Variants in DPYD observed in about 807,000 individuals in gnomAD.
The protein encoded by DPYD is dihydropyrimidine dehydrogenase, also known as dihydropyrimidine dehydrogenase [NADP(+)].
A neutral mutation model predicts 116.2 loss-of-function variants in DPYD; 109 were observed. The observed-to-expected ratio is 0.94, with a 90% CI of 0.80 to 1.10. The LOEUF (loss-of-function observed/expected upper bound fraction) is 1.10, where lower values mean the gene tolerates loss of function less well. Ranked by LOEUF, DPYD falls within the 50% of genes least tolerant of loss-of-function variation. DPYD has a pLI of 0.00. For synonymous variants in DPYD, 440 were observed against 432.0 expected (o/e 1.02, Z -0.23); for missense variants, 1,302 against 1,254.5 (o/e 1.04, Z -0.57).
At chr1:97,683,591 G>T (rs1192429929) in intron 7 of DPYD, among the ~76,000 whole-genome samples, 1 of 151,692 alleles carries the variant, frequency 6.6e-6, no homozygotes, top group Non-Finnish European at 1.5e-5. Context: ...AGGATATAAA[G>T]ACCATGAAAC....
intron 18 of DPYD, among the ~76,000 whole-genome samples, chr1:97,296,604 A>G (rs954528169): frequency 6.6e-6 from 1 of 152,140 alleles, no homozygotes; most frequent in African/African-American, 2.4e-5. Context: ...GTTTTGATAA[A>G]GTATAAATTA....
At chr1:97,428,094 T>C (rs920083265) in intron 14 of DPYD, among the ~76,000 whole-genome samples, 2 of 152,162 alleles carry the variant, frequency 1.3e-5, no homozygotes, top group African/African-American at 4.8e-5. Flanking sequence ...AAGTGATTTC[T>C]GAGCCTCAGT....
At chr1:97,198,538 C>A (rs973089197) in intron 19 of DPYD, among the ~76,000 whole-genome samples, 1 of 152,114 alleles carries the variant, frequency 6.6e-6, no homozygotes, top group Non-Finnish European at 1.5e-5. Context: ...CTTGTCCTTG[C>A]CTAACTTATA....
In DPYD at chr1:97,341,972, G is replaced by A. The variant is rs1047722634; in HGVS notation, c.2058+31589C>T. ...GGAGAACTGCTTCACTAGCATAGTA[G>A]TTGTTTTGTTCCAGGTAGCTGATCT... On this transcript the variant is annotated intron_variant, in intron 16 of 22. Transcript: ENST00000370192. 5.9e-5 allele frequency among the ~76,000 whole-genome samples: 9 copies of A among 152,316 alleles called. No individual in the cohort carries two copies. The East Asian group carries it at 1.7e-3, about 29-fold the overall frequency.
At chr1:97,132,883 T>G (rs1377346099) in intron 20 of DPYD, among the ~76,000 whole-genome samples, 5 of 152,108 alleles carry the variant, frequency 3.3e-5, no homozygotes, top group Admixed American at 2.6e-4. Context: ...AAAGAATTTC[T>G]TTTCCAAAGA....
intron 18 of DPYD, among the ~76,000 whole-genome samples, chr1:97,252,740 C>A (rs1663192704): frequency 6.6e-6 from 1 of 152,132 alleles, no homozygotes; most frequent in African/African-American, 2.4e-5. Context: ...ATAACACTTT[C>A]AAATTTTTTC....
At chr1:97,316,396 C>A (rs545615443) in intron 16 of DPYD, among the ~76,000 whole-genome samples, 1 of 151,290 alleles carries the variant, frequency 6.6e-6, no homozygotes, top group South Asian at 2.1e-4. Context: ...TACCTGTAAT[C>A]CCAGCTACTC....
At chr1:97,713,341 C>T (rs188294165) in intron 5 of DPYD, among the ~76,000 whole-genome samples, 1 of 151,912 alleles carries the variant, frequency 6.6e-6, no homozygotes, top group Admixed American at 6.6e-5. Context: ...AAAAAGTAAC[C>T]GCAAATAATT....
At chr1:97,638,838 A>T (rs1657718452) in intron 8 of DPYD, among the ~76,000 whole-genome samples, 1 of 152,096 alleles carries the variant, frequency 6.6e-6, no homozygotes, top group Non-Finnish European at 1.5e-5. Flanking sequence ...TGCAAGGACA[A>T]TGCCAAGCTA....
rs568923965 is a variant in DPYD, at chr1:97,461,652, C to A, written c.1741-11429G>T. 1.6e-4 allele frequency among the ~76,000 whole-genome samples: 24 copies of A among 152,148 alleles called. No individual in the cohort carries two copies. The East Asian group carries it at 4.4e-3, about 28-fold the overall frequency. ...CCTAAATATAAGATAAGCAGCTATG[C>A]GATATAATAATTAAAATAATAAAAT... is the stretch of plus-strand genomic sequence containing the variant. On this transcript the variant is annotated intron_variant, in intron 13 of 22. Coordinates refer to ENST00000370192, the MANE Select transcript of DPYD (RefSeq NM_000110.4).
chr1:97,463,263 T>C (rs890365585), intron 13 of DPYD, among the ~76,000 whole-genome samples: 2 of 152,224 alleles, frequency 1.3e-5, no homozygotes, highest in Non-Finnish European at 2.9e-5. Context: ...GTTCTCATGA[T>C]AGTGAATAAG....
chr1:97,480,826 C>T (rs1308675613), intron 13 of DPYD, among the ~76,000 whole-genome samples: 1 of 152,074 alleles, frequency 6.6e-6, no homozygotes, highest in East Asian at 1.9e-4. Flanking sequence ...ACTAATAATA[C>T]AAAATTAGCC....
chr1:97,527,253 AT>A (rs1328351695), intron 12 of DPYD, among the ~76,000 whole-genome samples: 1 of 151,740 alleles, frequency 6.6e-6, no homozygotes, highest in African/African-American at 2.4e-5. Flanking sequence ...TAATTTTTGT[AT>A]TTTTTGTAGA....
chr1:97,181,857 T>C (rs1657670006), intron 20 of DPYD, among the ~76,000 whole-genome samples: 1 of 152,152 alleles, frequency 6.6e-6, no homozygotes, highest in Admixed American at 6.6e-5. Flanking sequence ...TACAACTACA[T>C]GCTATACACT....
At chr1:97,887,068 C>A (rs1364821083) in intron 1 of DPYD, among the ~76,000 whole-genome samples, 6 of 151,910 alleles carry the variant, frequency 3.9e-5, no homozygotes, top group Non-Finnish European at 5.9e-5. Context: ...GAGAAAAAGG[C>A]AAAGAGACAC....
chr1:97,692,880 T>C (rs1341908538), intron 6 of DPYD, among the ~76,000 whole-genome samples: 1 of 152,180 alleles, frequency 6.6e-6, no homozygotes, highest in South Asian at 2.1e-4. Flanking sequence ...ATGAATCTTC[T>C]GGATCATCAA....
At chr1:97,806,098 T>C (rs867437969) in intron 3 of DPYD, among the ~76,000 whole-genome samples, 1 of 151,942 alleles carries the variant, frequency 6.6e-6, no homozygotes, top group Admixed American at 6.6e-5. Flanking sequence ...ATCTAACTGA[T>C]ATTTATAGAA....
Position 97,174,749 on chromosome 1 carries a change from C to A in DPYD, c.2622+18320G>T, listed in dbSNP as rs547934018. ...TATAGTTTCTTTCAGAGTGAGTTTG[C>A]ATTTCTTAAAAAAATTAACAATGTA... On this transcript the variant is annotated intron_variant, in intron 20 of 22. Coordinates refer to ENST00000370192, the MANE Select transcript of DPYD (RefSeq NM_000110.4). Among the ~76,000 whole-genome samples, 74 of 152,166 alleles carry A rather than the reference C, an allele frequency of 4.9e-4. 1 individual carries two copies. Among genetic ancestry groups the A allele is most frequent in the African/African-American group, 1.8e-3 (74 of 41,522 alleles).
intron 18 of DPYD, among the ~76,000 whole-genome samples, chr1:97,268,484 G>A (rs72726666): frequency 2.6e-4 from 39 of 152,220 alleles, no homozygotes; most frequent in South Asian, 4.2e-4. Flanking sequence ...CAGGCTAACC[G>A]AGAGATCCTT....
Sources: allele counts gnomAD v4.1 joint callset (sites outside exome capture counted in the v4.1 genomes callset), GRCh38; gene constraint gnomAD v4.1.1; transcripts MANE v1.5; gene names NCBI Gene and HGNC (gene_info 2026-07-23, HGNC 2026-07-21).